BCAS4: variants seen among roughly 807,000 people sequenced by gnomAD.
The protein encoded by BCAS4 is breast carcinoma amplified sequence 4, also known as breast carcinoma-amplified sequence 4.
BCAS4 carries 9 observed loss-of-function variants against 15.7 expected under a neutral mutation model. That is an observed-to-expected ratio of 0.57 (90% CI 0.34 to 1.00). The LOEUF (loss-of-function observed/expected upper bound fraction) is 1.00. Ranked by LOEUF, BCAS4 falls within the 50% of genes least tolerant of loss-of-function variation. BCAS4 has a pLI of 0.02. For missense variants in BCAS4, 225 were observed against 239.1 expected (o/e 0.94, Z 0.39); for synonymous variants, 101 against 99.5 (o/e 1.02, Z -0.09).
chr20:50,855,565 C>A (rs904555091), intron 4 of BCAS4, among the ~76,000 whole-genome samples: 1 of 152,018 alleles, frequency 6.6e-6, no homozygotes, highest in African/African-American at 2.4e-5. Flanking sequence ...GGGACCCCTT[C>A]CTCCTCAGAC....
upstream of BCAS4, chr20:50,794,935 T>G (rs1441433026): frequency 2.6e-6 from 3 of 1,140,716 alleles, no homozygotes; most frequent in Non-Finnish European, 3.3e-6. Context: ...CTCCTGGAGC[T>G]GCGAGCCGCG....
intron 2 of BCAS4, among the ~76,000 whole-genome samples, chr20:50,819,041 G>A (rs1448079765): frequency 6.6e-6 from 1 of 152,092 alleles, no homozygotes; most frequent in African/African-American, 2.4e-5. Context: ...AAATTAGCCG[G>A]GTGTGGTGGC....
At chr20:50,833,861 G>A (rs1368905677) in intron 3 of BCAS4, among the ~76,000 whole-genome samples, 1 of 152,178 alleles carries the variant, frequency 6.6e-6, no homozygotes, top group Non-Finnish European at 1.5e-5. Context: ...CGGGTGGGGT[G>A]GGTCAGCCGC....
downstream of BCAS4, chr20:50,880,979 T>C (rs1410513071): frequency 3.3e-5 from 5 of 152,226 alleles, no homozygotes; most frequent in African/African-American, 1.2e-4. Context: ...CACACCTGAA[T>C]CCTACCACTT....
At chr20:50,842,473 G>A (rs1395077180) in intron 4 of BCAS4, among the ~76,000 whole-genome samples, 3 of 140,818 alleles carry the variant, frequency 2.1e-5, no homozygotes, top group African/African-American at 8.1e-5. Context: ...CTGGAGTGCA[G>A]TGGCGTGATC....
chr20:50,854,676 A>G (rs1387012295), intron 4 of BCAS4, among the ~76,000 whole-genome samples: 3 of 152,286 alleles, frequency 2.0e-5, no homozygotes, highest in Non-Finnish European at 1.5e-5. Context: ...GCACAGCGCT[A>G]GCACATAGTA....
chr20:50,804,086 TG>T (rs1383826815), intron 1 of BCAS4, among the ~76,000 whole-genome samples: 1 of 152,192 alleles, frequency 6.6e-6, no homozygotes, highest in Non-Finnish European at 1.5e-5. Context: ...TTGTCCAGGC[TG>T]GAGTATAATG....
intron 4 of BCAS4, among the ~76,000 whole-genome samples, chr20:50,875,672 C>G (rs937569064): frequency 6.6e-6 from 1 of 150,378 alleles, no homozygotes; most frequent in African/African-American, 2.4e-5. Flanking sequence ...TCCCGGTTAA[C>G]TCAGGAGACT....
intron 1 of BCAS4, among the ~76,000 whole-genome samples, chr20:50,808,301 T>C (rs1189609587): frequency 2.0e-5 from 3 of 152,246 alleles, no homozygotes; most frequent in African/African-American, 7.2e-5. Context: ...GCAGTAAACA[T>C]GCATGTGCAA....
At chr20:50,872,432 G>A (rs1480055335) in intron 4 of BCAS4, among the ~76,000 whole-genome samples, 2 of 151,878 alleles carry the variant, frequency 1.3e-5, no homozygotes, top group East Asian at 3.9e-4. Flanking sequence ...TTAGCTGGAC[G>A]TGGTGGCGGG....
At chr20:50,830,208 C>T in intron 2 of BCAS4, 71 bp from the exon 3 acceptor site, 1 of 1,350,086 alleles carries the variant, frequency 7.4e-7, no homozygotes, top group South Asian at 1.2e-5. Flanking sequence ...AGACCCTGGC[C>T]AACCTCTGAG....
At chr20:50,815,004 G>A (rs1231745040) in intron 1 of BCAS4, among the ~76,000 whole-genome samples, 2 of 152,294 alleles carry the variant, frequency 1.3e-5, no homozygotes, top group East Asian at 3.9e-4. Flanking sequence ...CCCTTATCAC[G>A]CACCTATTGT....
At chr20:50,845,406 C>G (rs1206985167) in intron 4 of BCAS4, among the ~76,000 whole-genome samples, 1 of 152,144 alleles carries the variant, frequency 6.6e-6, no homozygotes, top group Non-Finnish European at 1.5e-5. Context: ...GCCTCCTCCC[C>G]CAGGGTGGAC....
chr20:50,806,739 A>G (rs913389611), intron 1 of BCAS4, among the ~76,000 whole-genome samples: 2 of 149,092 alleles, frequency 1.3e-5, no homozygotes, highest in Non-Finnish European at 2.9e-5. Context: ...GTAGGTATAT[A>G]TATTCAGGGG....
intron 3 of BCAS4, among the ~76,000 whole-genome samples, chr20:50,841,383 C>CT (rs1299633599): frequency 6.6e-6 from 1 of 152,040 alleles, no homozygotes; most frequent in Non-Finnish European, 1.5e-5. Flanking sequence ...ATAAAATCAA[C>CT]TTTTAACAAA....
Position 50,876,739 on chromosome 20 carries a change from T to C in BCAS4, c.*131T>C. ...TTTAAAAAAATGTCGAGATGGGGTC[T>C]CACTATGTTGTCCAGACTGATCTCA... is the stretch of plus-strand genomic sequence containing the variant. On this transcript the variant is annotated 3_prime_UTR_variant, in exon 5 of 5. Coordinates refer to ENST00000371608, the MANE Select transcript of BCAS4 (RefSeq NM_198799.4). 8.4e-7 allele frequency: 1 copy of C among 1,197,590 alleles called. No individual in the cohort carries two copies. Among genetic ancestry groups the C allele is most frequent in the South Asian group, 1.9e-5 (1 of 51,988 alleles). The allele number at this position is 1,197,590 out of a possible 1,614,324, so 74.2% of individuals were successfully genotyped here.
intron 4 of BCAS4, among the ~76,000 whole-genome samples, chr20:50,854,817 C>G (rs986907924): frequency 2.0e-5 from 3 of 152,230 alleles, no homozygotes; most frequent in Non-Finnish European, 4.4e-5. Context: ...GCTGCCAAAG[C>G]CAAGTCCTGA....
Position 50,808,841 on chromosome 20 carries a change from G to A in BCAS4, c.91-9370G>A, listed in dbSNP as rs1258854266. 2.6e-5 allele frequency among the ~76,000 whole-genome samples: 4 copies of A among 152,076 alleles called. No individual in the cohort carries two copies. The East Asian group carries it at 5.8e-4, about 22-fold the overall frequency. On this transcript the variant is annotated intron_variant, in intron 1 of 4. Transcript: ENST00000371608. The stretch of plus-strand genomic sequence containing the variant: ...GCTGTGCAGAAGCTTTTTAGTTTAA[G>A]TCCCACCTATTTATCTTTGTTTTTA...
chr20:50,830,453 A>C, intron 3 of BCAS4, 73 bp downstream of exon 3: 1 of 1,300,066 alleles, frequency 7.7e-7, no homozygotes, highest in African/African-American at 1.5e-5. Context: ...AAAGACGCCG[A>C]TCTGGCCTTG....
Sources: gnomAD v4.1 joint callset for allele counts (sites outside exome capture counted in the v4.1 genomes callset) on GRCh38, gnomAD v4.1.1 for gene constraint, MANE v1.5 for transcripts, NCBI Gene and HGNC (gene_info 2026-07-23, HGNC 2026-07-21) for gene names.